The following USH2A variants were observed in gnomAD, a reference collection of about 807,000 sequenced individuals.
USH2A encodes Usher syndrome 2A (autosomal recessive, mild).
USH2A carries 443 observed loss-of-function variants against 538.9 expected under a neutral mutation model. The observed-to-expected ratio is 0.82, with a 90% CI of 0.76 to 0.89. USH2A has a LOEUF of 0.89. Ranked by LOEUF, USH2A falls within the 40% of genes least tolerant of loss-of-function variation. The pLI is 0.00. For missense variants in USH2A, 6,633 were observed against 6,324.8 expected (o/e 1.05, Z -1.65); for synonymous variants, 2,413 against 2,273.5 (o/e 1.06, Z -1.75).
At chr1:215,923,498 A>G (rs1371267269) in intron 38 of USH2A, among the ~76,000 whole-genome samples, 2 of 152,090 alleles carry the variant, frequency 1.3e-5, no homozygotes, top group Non-Finnish European at 2.9e-5. Flanking sequence ...GTACTGGTTT[A>G]CTGCAATTCA....
At chr1:216,143,917 G>A (rs1245426702) in intron 21 of USH2A, among the ~76,000 whole-genome samples, 1 of 152,132 alleles carries the variant, frequency 6.6e-6, no homozygotes, top group Non-Finnish European at 1.5e-5. Flanking sequence ...TATCTACTGA[G>A]TAGAAAAATA....
intron 38 of USH2A, among the ~76,000 whole-genome samples, chr1:215,905,179 G>C (rs1665607036): frequency 6.6e-6 from 1 of 152,036 alleles, no homozygotes; most frequent in African/African-American, 2.4e-5. Flanking sequence ...GTAGTTGGTG[G>C]CTACCAAGTC....
intron 37 of USH2A, among the ~76,000 whole-genome samples, chr1:215,946,183 A>G (rs1666753162): frequency 6.6e-6 from 1 of 152,174 alleles, no homozygotes; most frequent in Admixed American, 6.5e-5. Flanking sequence ...TATAGATCCA[A>G]ACTATTACAG....
chr1:216,014,359 G>A (rs1668654674), intron 32 of USH2A, among the ~76,000 whole-genome samples: 1 of 152,146 alleles, frequency 6.6e-6, no homozygotes, highest in Non-Finnish European at 1.5e-5. Context: ...TTCTTTGAGA[G>A]TGAAGCCATA....
intron 32 of USH2A, among the ~76,000 whole-genome samples, chr1:216,023,670 C>T (rs1668898106): frequency 6.6e-6 from 1 of 151,720 alleles, no homozygotes; most frequent in Admixed American, 6.6e-5. Context: ...GACTGCTTGG[C>T]TATATTTATG....
rs757259797 is a variant in USH2A at position 216,196,697 on chromosome 1, T to G, written c.4107A>C (p.Ser1369=). ...ESAPVFMIPP[S]VFPLSSYSLN... ...GAGAGTACGAAGAGAGGGGAAAGAC[T>G]GAAGGAGGGATCATGAATACAGGTG... The change falls in exon 19 of 72, where the codon TCA becomes TCC. Residue 1369 remains serine (S), a synonymous_variant. Transcript: ENST00000307340. 59 of 1,613,324 alleles carry G rather than the reference T, an allele frequency of 3.7e-5. No individual in the cohort carries two copies. The highest frequency in any genetic ancestry group is 5.0e-5 in the Non-Finnish European group (59 of 1,179,588).
chr1:215,887,248 T>C (rs1485206663), intron 41 of USH2A, among the ~76,000 whole-genome samples: 1 of 152,182 alleles, frequency 6.6e-6, no homozygotes, highest in Non-Finnish European at 1.5e-5. Flanking sequence ...ATGTCCATTA[T>C]GTAGTGTTGC....
rs35818432 is a variant in USH2A at position 216,292,352 on chromosome 1, G to C, written c.1663C>G (p.Leu555Val). 9.7e-4 allele frequency: 1,568 copies of C among 1,613,940 alleles called. 3 individuals are homozygous for C. The highest frequency in any genetic ancestry group is 9.1e-3 in the Middle Eastern group (55 of 6,058). Residue 555 changes from leucine to valine, a missense_variant, in exon 10 of 72, where the codon CTT becomes GTT. Leu to Val is a conservative substitution (Grantham distance 32). Transcript: ENST00000307340. ...TGGCGGAAAGGCTTGTCATTATAAA[G>C]AGGCAAGCAGCGATCACACTAGAAC... The part of the protein sequence containing the change: ...EGLHCDRCLP[L>V]YNDKPFRQGD...
chr1:215,806,621 T>C lies in USH2A; in HGVS notation c.9739+7115A>G, dbSNP rs574270760. On this transcript the variant is annotated intron_variant, in intron 49 of 71. Coordinates refer to ENST00000307340, the MANE Select transcript of USH2A (RefSeq NM_206933.4). ...AATAACTTGGTCCATTGTATCTACA[T>C]ACCTCTAGAAAGTTACCTCGCTTGG... 1.4e-4 allele frequency among the ~76,000 whole-genome samples: 22 copies of C among 152,236 alleles called. No homozygotes were observed. In the South Asian group the frequency reaches 4.4e-3, roughly 30 times the overall value.
At chr1:216,229,249 T>C (rs1056883751) in intron 14 of USH2A, among the ~76,000 whole-genome samples, 2 of 152,054 alleles carry the variant, frequency 1.3e-5, no homozygotes, top group Non-Finnish European at 2.9e-5. Context: ...ACTTTAGCTC[T>C]ATTTTCTAGA....
At chr1:216,247,939 G>A (rs887455376) in intron 12 of USH2A, among the ~76,000 whole-genome samples, 1 of 152,092 alleles carries the variant, frequency 6.6e-6, no homozygotes, top group South Asian at 2.1e-4. Flanking sequence ...AGAAAAAAAT[G>A]TCAGCTGATA....
chr1:216,376,631 C>T (rs2038826413), intron 3 of USH2A, among the ~76,000 whole-genome samples: 1 of 151,924 alleles, frequency 6.6e-6, no homozygotes, highest in Non-Finnish European at 1.5e-5. Context: ...TCAGATTATG[C>T]CTGAAGGAAA....
chr1:216,067,860 G>C (rs187841517), intron 30 of USH2A, among the ~76,000 whole-genome samples: 168 of 152,224 alleles, frequency 1.1e-3, no homozygotes, highest in Middle Eastern at 6.8e-3. Flanking sequence ...GGAGTCAATA[G>C]CAGCATCTAT....
chr1:216,051,714 C>G (rs1033214759), intron 30 of USH2A, among the ~76,000 whole-genome samples: 2 of 152,186 alleles, frequency 1.3e-5, no homozygotes, highest in Non-Finnish European at 2.9e-5. Flanking sequence ...CATAGGAACA[C>G]CATGCCCAAA....
intron 61 of USH2A, among the ~76,000 whole-genome samples, chr1:215,708,392 G>C (rs1321676596): frequency 6.6e-6 from 1 of 152,140 alleles, no homozygotes; most frequent in Non-Finnish European, 1.5e-5. Context: ...ATTAAGTTCT[G>C]TATCTGTCCT....
chr1:216,221,002 GT>G (rs1309964088), intron 14 of USH2A, among the ~76,000 whole-genome samples: 3 of 152,106 alleles, frequency 2.0e-5, no homozygotes, highest in African/African-American at 7.2e-5. Context: ...ATTCGGCAGA[GT>G]TTTTTTGTTT....
At chr1:215,964,533 AGACT>A (rs1667285520) in intron 37 of USH2A, among the ~76,000 whole-genome samples, 1 of 152,194 alleles carries the variant, frequency 6.6e-6, no homozygotes, top group Admixed American at 6.6e-5. Context: ...CCTAAGCAAC[AGACT>A]AACATGCTAA....
intron 11 of USH2A, among the ~76,000 whole-genome samples, chr1:216,263,195 T>G (rs761929945): frequency 3.3e-5 from 5 of 152,074 alleles, no homozygotes; most frequent in African/African-American, 9.7e-5. Context: ...TCTACCAAAC[T>G]TTAATAGAAG....
At chr1:215,811,228 C>T (rs908055163) in intron 49 of USH2A, among the ~76,000 whole-genome samples, 2 of 152,158 alleles carry the variant, frequency 1.3e-5, no homozygotes, top group Non-Finnish European at 2.9e-5. Context: ...AAACTTGCTC[C>T]TTGCTTGGGG....
Sources: allele counts gnomAD v4.1 joint callset (sites outside exome capture counted in the v4.1 genomes callset), GRCh38; gene constraint gnomAD v4.1.1; transcripts MANE v1.5; gene names NCBI Gene and HGNC (gene_info 2026-07-23, HGNC 2026-07-21).